Variants in MYH7 observed in about 807,000 individuals in gnomAD.
MYH7 encodes the protein myosin heavy chain 7.
In MYH7, 129 loss-of-function variants were observed where a neutral mutation model predicts 225.4. The observed-to-expected ratio is 0.57, with a 90% CI of 0.50 to 0.66. The LOEUF (loss-of-function observed/expected upper bound fraction) is 0.66. Among genes scored for constraint, MYH7 ranks in the 30% least tolerant of loss-of-function variants. The pLI, the probability that MYH7 is intolerant of heterozygous loss-of-function variation, is 0.00. For synonymous variants in MYH7, 971 were observed against 1,007.6 expected (o/e 0.96, Z 0.69); for missense variants, 1,649 against 2,517.0 (o/e 0.66, Z 7.38).
chr14:23,428,353 C>G (rs1566534489), intron 15 of MYH7, 147 bp downstream of exon 15: 1 of 1,358,072 alleles, frequency 7.4e-7, no homozygotes, highest in Non-Finnish European at 1.0e-6. Flanking sequence ...GGGTGCTCAG[C>G]ACAACATAGG....
intron 29 of MYH7, among the ~76,000 whole-genome samples, 200 bp from the exon 30 acceptor site, chr14:23,418,606 T>A (rs767708241): frequency 1.3e-5 from 2 of 152,214 alleles, no homozygotes; most frequent in African/African-American, 2.4e-5. Flanking sequence ...AAAAGCTTCA[T>A]GGCCATTGGC....
intron 28 of MYH7, 62 bp downstream of exon 28, chr14:23,419,421 G>A (rs112825640): frequency 8.1e-6 from 13 of 1,611,996 alleles, no homozygotes; most frequent in African/African-American, 5.3e-5. Context: ...CCCGAGGCTG[G>A]AGTGGCTCAG....
intron 39 of MYH7, 106 bp from the exon 40 acceptor site, chr14:23,412,977 T>A: frequency 8.4e-7 from 1 of 1,183,826 alleles, no homozygotes. Flanking sequence ...GGGGCCTGCT[T>A]TGTGGGCAGG....
rs1372163543 is a variant in MYH7, at chr14:23,420,199, G to A, written c.3372C>T (p.Ala1124=). ...CCACCTTAGCCCTGGCGGTGCGCTC[G>A]GCCTCCAGCTCCTCCTCCAGCTCCT... ...RIEELEEELE[A]ERTARAKVEK... is the part of the protein sequence containing the mutation. The change falls in exon 27 of 40, where the codon GCC becomes GCT. Residue 1124 remains alanine, a synonymous_variant. Transcript: ENST00000355349. 3 of 1,608,344 alleles carry A rather than the reference G, an allele frequency of 1.9e-6. No individual in the cohort carries two copies. Among genetic ancestry groups the A allele is most frequent in the East Asian group, 2.2e-5 (1 of 44,642 alleles).
At chr14:23,418,499 C>T in intron 29 of MYH7, 93 bp from the exon 30 acceptor site, 1 of 1,408,070 alleles carries the variant, frequency 7.1e-7, no homozygotes. Flanking sequence ...TCAACATCAT[C>T]CCTTGGCCTC....
chr14:23,431,279 T>C (rs969836885), intron 9 of MYH7, 139 bp downstream of exon 9: 30 of 899,754 alleles, frequency 3.3e-5, no homozygotes, highest in Admixed American at 8.6e-5. Flanking sequence ...TATGTAGACC[T>C]GAAGACAGAG....
intron 24 of MYH7, 79 bp downstream of exon 24, chr14:23,423,468 C>A: frequency 2.0e-6 from 3 of 1,509,456 alleles, no homozygotes; most frequent in Non-Finnish European, 2.8e-6. Context: ...CACACACACA[C>A]ACACACACAC....
chr14:23,434,206 A>G lies in MYH7; in HGVS notation c.-21T>C. 1 of 1,056,186 alleles carries G rather than the reference A, an allele frequency of 9.5e-7. No homozygotes were observed. The highest frequency in any genetic ancestry group is 1.1e-6 in the Non-Finnish European group (1 of 872,494). The allele number at this position is 1,056,186 out of a possible 1,614,324, so 65.4% of individuals were successfully genotyped here. ...CAGCTTTTCTTACCTGGGCTACTCA[A>G]GTGTGTCTACAGATGAGGAAAGGGG... On this transcript the variant is annotated 5_prime_UTR_variant, in exon 2 of 40. Coordinates refer to ENST00000355349, the MANE Select transcript of MYH7 (RefSeq NM_000257.4).
intron 22 of MYH7, 27 bp downstream of exon 22, chr14:23,424,742 G>A (rs1440674322): frequency 1.2e-6 from 2 of 1,613,274 alleles, no homozygotes; most frequent in Non-Finnish European, 1.7e-6. Context: ...CAGGGTGGAA[G>A]AGCCAACAGT....
intron 37 of MYH7, 54 bp from the exon 38 acceptor site, chr14:23,414,156 C>G: frequency 6.6e-7 from 1 of 1,516,814 alleles, no homozygotes; most frequent in South Asian, 1.1e-5. Context: ...TAGAAGGTAG[C>G]ATCCCCTCCG....
intron 37 of MYH7, 140 bp downstream of exon 37, chr14:23,414,855 A>C (rs1379188460): frequency 5.6e-6 from 8 of 1,430,370 alleles, no homozygotes; most frequent in African/African-American, 2.8e-5. Flanking sequence ...AGAGTGGGGC[A>C]GGGCTAGGCA....
chr14:23,422,560 TCTTTCTTTCTTTCC>T (rs1892517687), intron 24 of MYH7, among the ~76,000 whole-genome samples: 1 of 149,142 alleles, frequency 6.7e-6, no homozygotes, highest in African/African-American at 2.5e-5. Flanking sequence ...AAAGCCGTAT[TCTTTCTTTCTTTCC>T]CTTTCTTTCT....
Position 23,415,532 on chromosome 14 carries a change from G to A in MYH7, c.5158-26C>T. 2.5e-6 allele frequency: 4 copies of A among 1,614,122 alleles called. No homozygotes were observed. Among genetic ancestry groups the A allele is most frequent in the Middle Eastern group, 1.7e-4 (1 of 6,056 alleles). On this transcript the variant is annotated intron_variant, in intron 35 of 39. Coordinates refer to ENST00000355349, the MANE Select transcript of MYH7 (RefSeq NM_000257.4). The surrounding 1 kb of genome is among the most constrained non-coding windows in gnomAD (Gnocchi z 6.3). ...CTGGGTTGGGGGAGGGTTGGGCAGA[G>A]CAGGAAAAGCATTGAGCATCTATGC...
In MYH7 at chr14:23,430,544, G is replaced by T; in HGVS notation, c.999+16C>A. The T allele has an allele frequency of 6.2e-7, 1 of 1,603,130 alleles. No individual in the cohort carries two copies. The highest frequency in any genetic ancestry group is 8.5e-7 in the Non-Finnish European group (1 of 1,170,508). ...GCCAATCCTCCCACCCCCTGGCTGG[G>T]TCCTCACACACTCACATCAGTGGCC... On this transcript the variant is annotated intron_variant, in intron 11 of 39. Transcript: ENST00000355349.
chr14:23,426,037 C>A lies in MYH7; in HGVS notation c.2089G>T (p.Gly697Cys). ...CAGATGCGGATGCCCTCCAGCACAC[C>A]ATTGCAGCGCAGCTGGTGCATGACC... ...PLVMHQLRCN[G>C]VLEGIRICRK... is the part of the protein sequence containing the mutation. Residue 697 changes from glycine to cysteine, a missense_variant, in exon 19 of 40, where the codon GGT becomes TGT. Coordinates refer to ENST00000355349, the MANE Select transcript of MYH7 (RefSeq NM_000257.4). The A allele has an allele frequency of 6.2e-7, 1 of 1,614,232 alleles. No individual in the cohort carries two copies. The highest frequency in any genetic ancestry group is 8.5e-7 in the Non-Finnish European group (1 of 1,180,034).
At chr14:23,422,405 T>C (rs1892511066) in intron 24 of MYH7, 80 bp from the exon 25 acceptor site, 2 of 1,598,988 alleles carry the variant, frequency 1.3e-6, no homozygotes, top group East Asian at 2.2e-5. Flanking sequence ...CCTCAGGACT[T>C]GGTAAATCTT....
Position 23,433,357 on chromosome 14 carries a change from C to CA in MYH7, c.202-131dup. 6.8e-7 allele frequency: 1 copy of CA among 1,479,756 alleles called. No individual in the cohort carries two copies. The highest frequency in any genetic ancestry group is 9.3e-7 in the Non-Finnish European group (1 of 1,073,382). The allele number at this position is 1,479,756 out of a possible 1,614,324, so 91.7% of individuals were successfully genotyped here. A position where few individuals can be genotyped will look rare whatever the true frequency, so the allele number is the denominator to read the frequency against. On this transcript the variant is annotated intron_variant, in intron 3 of 39. Transcript: ENST00000355349. This position sits in a 1 kb window ranked among gnomAD's most constrained non-coding sequence, Gnocchi z 4.1. The stretch of plus-strand genomic sequence containing the variant: ...AGGAACCAGGATCTCACAGGGAAGA[C>CA]AGAAGGGATATTGGGAAGGAGAGGG...
chr14:23,427,193 G>GTGGGGGGGGGGGGGGGGGC, intron 17 of MYH7, 47 bp downstream of exon 17: 1 of 1,540,064 alleles, frequency 6.5e-7, no homozygotes, highest in Non-Finnish European at 8.8e-7. Flanking sequence ...GCTGGGTGGG[G>GTGGGGGGGGGGGGGGGGGC]TTGGGCAGAT....
Position 23,429,060 on chromosome 14 carries a change from C to T in MYH7, c.1302G>A (p.Arg434=), listed in dbSNP as rs746412400. Residue 434 remains arginine (R), a synonymous_variant, in exon 14 of 40, where the codon AGG becomes AGA. Coordinates refer to ENST00000355349, the MANE Select transcript of MYH7 (RefSeq NM_000257.4). ...TGCGCGTCACCATCCAGTTGAACAT[C>T]CTCTCATACACTGCCTTGGCCAGTG... ...TGALAKAVYE[R]MFNWMVTRIN... is the part of the protein sequence containing the mutation. The T allele has an allele frequency of 6.2e-7, 1 of 1,614,210 alleles. No homozygotes were observed. Among genetic ancestry groups the T allele is most frequent in the South Asian group, 1.1e-5 (1 of 91,072 alleles).
Sources: gnomAD v4.1 joint callset for allele counts (sites outside exome capture counted in the v4.1 genomes callset) on GRCh38, gnomAD v4.1.1 for gene constraint, Gnocchi (gnomAD v3.1) non-coding constraint, MANE v1.5 for transcripts, NCBI Gene and HGNC (gene_info 2026-07-23, HGNC 2026-07-21) for gene names.